DIS3L: variants seen among roughly 807,000 people sequenced by gnomAD.
DIS3L encodes DIS3 like exosome 3'-5' exoribonuclease, also known as DIS3-like exonuclease 1.
Under a neutral mutation model 120.3 loss-of-function variants are expected in DIS3L, and 100 were observed. The observed-to-expected ratio is 0.83, with a 90% confidence interval of 0.71 to 0.98. The LOEUF (loss-of-function observed/expected upper bound fraction) is 0.98. Ranked by LOEUF, DIS3L falls within the 50% of genes least tolerant of loss-of-function variation. The pLI is 0.00. For synonymous variants in DIS3L, 426 were observed against 470.6 expected, an observed-to-expected ratio of 0.91 and a Z score of 1.23; for missense variants, 1,196 against 1,314.2, an observed-to-expected ratio of 0.91 and a Z score of 1.39.
chr15:66,294,845 C>T (rs550868112), intron 1 of DIS3L, 143 bp from the exon 2 acceptor site: 2 of 882,888 alleles, frequency 2.3e-6, no homozygotes, highest in South Asian at 3.9e-5. Flanking sequence ...CTTTGGGCCT[C>T]TACCAAAGTA....
At position 66,331,918 on chromosome 15, in the gene DIS3L, G is replaced by C; in HGVS notation, c.2579G>C (p.Cys860Ser). 1 of 1,613,172 alleles carries C rather than the reference G, an allele frequency of 6.2e-7. No homozygotes were observed. The highest frequency in any genetic ancestry group is 8.5e-7 in the Non-Finnish European group (1 of 1,179,494). Residue 860 changes from cysteine (C) to serine (S), a missense_variant, in exon 15 of 17, where the codon TGC (cysteine) becomes TCC (serine). Cys to Ser is a moderately radical substitution (Grantham distance 112, BLOSUM62 -1). Coordinates refer to ENST00000319212, the MANE Select transcript of DIS3L (RefSeq NM_001143688.3). ...SQKQSTELFQ[C>S]MYFKDKDPAT... Reference sequence around the variant, plus strand: ...AAGCAGTCTACTGAGCTCTTCCAGTGCATGTACTTCAAAGACAAAGACCCT... The same window carrying C: ...AAGCAGTCTACTGAGCTCTTCCAGTCCATGTACTTCAAAGACAAAGACCCT...
In DIS3L at chr15:66,311,751, T is replaced by A. The variant is rs750469259; in HGVS notation, c.586T>A (p.Leu196Ile). The change falls in exon 5 of 17, where the codon TTA becomes ATA. Residue 196 changes from leucine (L) to isoleucine (I), a missense_variant. Transcript: ENST00000319212. ...TTACCTGGACAATTTCTGGCCTGAT[T>A]TAAAAGCTGCCCACGAGCTTTGTGA... ...KNYLDNFWPD[L>I]KAAHELCDSI... 1.2e-6 allele frequency: 2 copies of A among 1,614,098 alleles called. No homozygotes were observed. The highest frequency in any genetic ancestry group is 3.3e-5 in the Admixed American group (2 of 60,018).
intron 14 of DIS3L, 122 bp from the exon 15 acceptor site, chr15:66,331,753 A>C: frequency 8.9e-7 from 1 of 1,119,970 alleles, no homozygotes; most frequent in South Asian, 2.7e-5. Context: ...TTAATTTCAT[A>C]GTAGAGAACA....
rs34195061 is a variant in DIS3L at position 66,319,952 on chromosome 15, T to TAA, written c.1165-598_1165-597dup. On this transcript the variant is annotated intron_variant, in intron 8 of 16. Coordinates refer to ENST00000319212, the MANE Select transcript of DIS3L (RefSeq NM_001143688.3). ...CAACATGGTGAAACCCCATTTCTAC[T>TAA]AAAAAAAAAAAAAAAAAAAAAATTA... Among the ~76,000 whole-genome samples, 60 of 108,066 alleles carry TAA rather than the reference T, an allele frequency of 5.6e-4. 2 individuals carry two copies. The highest frequency in any genetic ancestry group is 9.3e-4 in the South Asian group (3 of 3,216). The allele number at this position is 108,066 out of a possible 152,430, so 70.9% of individuals were successfully genotyped here. A position where few individuals can be genotyped will look rare whatever the true frequency, so the allele number is the denominator to read the frequency against.
At position 66,323,509 on chromosome 15, in the gene DIS3L, C is replaced by T; in HGVS notation, c.1591C>T (p.Leu531=). 1 of 1,614,262 alleles carries T rather than the reference C, an allele frequency of 6.2e-7. No individual in the cohort carries two copies. Among genetic ancestry groups the T allele is most frequent in the Non-Finnish European group, 8.5e-7 (1 of 1,180,042 alleles). The part of the protein sequence containing the change: ...EARTRATTYY[L]ADRRYDMLPS... ...CATTCACAGGGCCACCACTTATTAT[C>T]TAGCAGATCGTCGCTATGACATGCT... The change falls in exon 11 of 17, where the codon CTA becomes TTA. Residue 531 remains leucine (L), a synonymous_variant. Coordinates refer to ENST00000319212, the MANE Select transcript of DIS3L (RefSeq NM_001143688.3).
At chr15:66,293,407 G>A, upstream of DIS3L, 7 of 1,128,194 alleles carry the variant, frequency 6.2e-6, no homozygotes, top group Non-Finnish European at 7.7e-6. Context: ...CCAGGCCACT[G>A]AGGGAAGGGA....
chr15:66,325,240 A>C (rs181239307), intron 11 of DIS3L, among the ~76,000 whole-genome samples: 148 of 152,300 alleles, frequency 9.7e-4, no homozygotes, highest in Middle Eastern at 3.4e-3. Context: ...CTAAAATAGA[A>C]AAAATTAGCC....
chr15:66,310,459 C>T (rs4776777), intron 4 of DIS3L, among the ~76,000 whole-genome samples: 152,311 of 152,316 alleles, frequency 1, 76,153 homozygotes, highest in Non-Finnish European at 1. Context: ...ACCAAGGGCT[C>T]CATAGAGGTG....
intron 1 of DIS3L, 74 bp from the exon 2 acceptor site, chr15:66,294,914 A>G: frequency 2.1e-6 from 3 of 1,424,328 alleles, no homozygotes; most frequent in South Asian, 2.7e-5. Flanking sequence ...TTTGCATGCC[A>G]GAGCACCGTG....
intron 6 of DIS3L, 46 bp from the exon 7 acceptor site, chr15:66,314,990 C>T: frequency 6.3e-7 from 1 of 1,591,906 alleles, no homozygotes; most frequent in Non-Finnish European, 8.6e-7. Flanking sequence ...ACTGGTGTGC[C>T]ATTCCCTTGG....
chr15:66,320,105 T>C (rs533944263), intron 8 of DIS3L, among the ~76,000 whole-genome samples: 1 of 151,964 alleles, frequency 6.6e-6, no homozygotes, highest in Non-Finnish European at 1.5e-5. Context: ...GCCTGGTTGA[T>C]AGAGCAAGAC....
chr15:66,312,506 T>G (rs921407783), intron 5 of DIS3L, among the ~76,000 whole-genome samples: 1 of 152,190 alleles, frequency 6.6e-6, no homozygotes, highest in Non-Finnish European at 1.5e-5. Flanking sequence ...CATACCTCTT[T>G]GAATCAAGGT....
At chr15:66,293,320 C>A, upstream of DIS3L, 1 of 347,948 alleles carries the variant, frequency 2.9e-6, no homozygotes, top group Non-Finnish European at 4.4e-6. Flanking sequence ...CCCAGCCCTT[C>A]TTCACCTGCC....
upstream of DIS3L, chr15:66,293,493 G>T (rs959186642): frequency 4.0e-6 from 5 of 1,237,762 alleles, no homozygotes; most frequent in African/African-American, 8.0e-5. Flanking sequence ...CGGCAGTTAC[G>T]GCGGTTCCGG....
Position 66,329,301 on chromosome 15 carries a change from G to A in DIS3L, c.2437G>A (p.Ala813Thr). The change falls in exon 14 of 17, where the codon GCA (alanine) becomes ACA (threonine). Residue 813 changes from alanine (A) to threonine (T), a missense_variant. Coordinates refer to ENST00000319212, the MANE Select transcript of DIS3L (RefSeq NM_001143688.3). ...TATTGTAGTACACCGCTTGTTAATG[G>A]CAGCCATTTCAAAAGATAAGAAAAT... Reference protein sequence around the residue: ...SDIVVHRLLMAAISKDKKMEI... With the variant: ...SDIVVHRLLMTAISKDKKMEI... The A allele has an allele frequency of 6.2e-7, 1 of 1,613,986 alleles. No individual in the cohort carries two copies. The highest frequency in any genetic ancestry group is 8.5e-7 in the Non-Finnish European group (1 of 1,179,970).
Position 66,315,063 on chromosome 15 carries a change from G to A in DIS3L, c.842G>A (p.Gly281Glu). 1 of 1,614,054 alleles carries A rather than the reference G, an allele frequency of 6.2e-7. No individual in the cohort carries two copies. The highest frequency in any genetic ancestry group is 8.5e-7 in the Non-Finnish European group (1 of 1,179,972). The change falls in exon 7 of 17, where the codon GGG becomes GAG. Residue 281 changes from glycine to glutamate, a missense_variant. Physicochemically the swap from Gly to Glu is moderately conservative, Grantham distance 98 (BLOSUM62 -2). Transcript: ENST00000319212. ...TTAGTCAGTGACATCCTAATCCACGGGATGAAGGCTCGAAACCGCTCAATT... is the reference window on the plus strand; with the variant it reads ...TTAGTCAGTGACATCCTAATCCACGAGATGAAGGCTCGAAACCGCTCAATT... Reference protein sequence around the residue: ...SDLVSDILIHGMKARNRSIHG... With the variant: ...SDLVSDILIHEMKARNRSIHG...
At chr15:66,325,073 C>CT (rs1473810576) in intron 11 of DIS3L, among the ~76,000 whole-genome samples, 4 of 152,170 alleles carry the variant, frequency 2.6e-5, no homozygotes, top group Admixed American at 6.6e-5. Context: ...AGACTTGACT[C>CT]TATCAGTGTC....
At position 66,299,506 on chromosome 15, in the gene DIS3L, G is replaced by A. The variant is rs376294302; in HGVS notation, c.293+4365G>A. On this transcript the variant is annotated intron_variant, in intron 2 of 16. Coordinates refer to ENST00000319212, the MANE Select transcript of DIS3L (RefSeq NM_001143688.3). Reference sequence around the variant, plus strand: ...GGTTGCAGTGAGCCACGATCACGCCGTTGCACTCCCGTCTGGGCAAAAGAG... The same window carrying A: ...GGTTGCAGTGAGCCACGATCACGCCATTGCACTCCCGTCTGGGCAAAAGAG... Among the ~76,000 whole-genome samples the A allele has an allele frequency of 4.8e-5, 7 of 144,616 alleles. No individual in the cohort carries two copies. In the South Asian group the frequency reaches 6.6e-4, roughly 14 times the overall value. 94.9% of individuals were successfully genotyped at this position (144,616 alleles called of 152,430 possible). A position where few individuals can be genotyped will look rare whatever the true frequency, so the allele number is the denominator to read the frequency against.
chr15:66,298,301 A>G (rs1338299919), intron 2 of DIS3L, among the ~76,000 whole-genome samples: 1 of 152,044 alleles, frequency 6.6e-6, no homozygotes, highest in Non-Finnish European at 1.5e-5. Flanking sequence ...CATGAGTGAT[A>G]TATCCATCTT....
Sources: allele counts gnomAD v4.1 joint callset (sites outside exome capture counted in the v4.1 genomes callset), GRCh38; gene constraint gnomAD v4.1.1; transcripts MANE v1.5; gene names NCBI Gene and HGNC (gene_info 2026-07-23, HGNC 2026-07-21).